The following DENND5B variants were observed in gnomAD, a reference collection of about 807,000 sequenced individuals.
The protein encoded by DENND5B is DENN domain containing 5B, also known as DENN domain-containing protein 5B.
In DENND5B, 34 loss-of-function variants were observed where a neutral mutation model predicts 140.6. That is an observed-to-expected ratio of 0.24 (90% CI 0.18 to 0.32). The LOEUF (loss-of-function observed/expected upper bound fraction) is 0.32, where lower values mean the gene tolerates loss of function less well. Among genes scored for constraint, DENND5B ranks in the 10% least tolerant of loss-of-function variants. The pLI is 1.00. For synonymous variants in DENND5B, 551 were observed against 562.1 expected (o/e 0.98, Z 0.28); for missense variants, 1,142 against 1,560.2 (o/e 0.73, Z 4.52).
chr12:31,444,070 A>C (rs1944167324), intron 6 of DENND5B: 1 of 152,192 alleles, frequency 6.6e-6, no homozygotes, highest in African/African-American at 2.4e-5. Context: ...TGAATTGTCA[A>C]GAGAAAATAT....
chr12:31,540,280 T>C (rs1433054592), intron 1 of DENND5B, among the ~76,000 whole-genome samples: 1 of 152,176 alleles, frequency 6.6e-6, no homozygotes, highest in African/African-American at 2.4e-5. Flanking sequence ...ATTGTTAAAA[T>C]GCCCATTCTC....
intron 5 of DENND5B, among the ~76,000 whole-genome samples, chr12:31,448,148 C>G (rs986545916): frequency 3.0e-5 from 4 of 134,740 alleles, no homozygotes; most frequent in Non-Finnish European, 6.5e-5. Flanking sequence ...TTTTTTTTTT[C>G]TTTGAGATGG....
intron 15 of DENND5B, among the ~76,000 whole-genome samples, chr12:31,400,706 G>C (rs1941742462): frequency 1.3e-5 from 2 of 152,082 alleles, no homozygotes; most frequent in Non-Finnish European, 2.9e-5. Flanking sequence ...TATCATTTGT[G>C]TGACAATCCA....
intron 2 of DENND5B, among the ~76,000 whole-genome samples, chr12:31,481,799 A>T (rs1946082551): frequency 6.6e-6 from 1 of 152,146 alleles, no homozygotes; most frequent in Admixed American, 6.5e-5. Flanking sequence ...TAGGAGAGGG[A>T]CAGAATTAGA....
chr12:31,487,457 G>A (rs528378895), intron 2 of DENND5B, among the ~76,000 whole-genome samples: 7 of 152,246 alleles, frequency 4.6e-5, no homozygotes, highest in African/African-American at 1.7e-4. Flanking sequence ...CAGTACTTCG[G>A]GAGGCTGAGA....
At chr12:31,397,881 G>GCCGCTGCAGTGAGCTGAGACTGTT (rs1431121698) in intron 17 of DENND5B, among the ~76,000 whole-genome samples, 31 of 152,196 alleles carry the variant, frequency 2.0e-4, no homozygotes, top group African/African-American at 6.5e-4. Context: ...CTGAGACTGT[G>GCCGCTGCAGTGAGCTGAGACTGTT]CCACTGCATT....
At chr12:31,458,040 T>G (rs1944862847) in intron 4 of DENND5B, among the ~76,000 whole-genome samples, 1 of 152,214 alleles carries the variant, frequency 6.6e-6, no homozygotes, top group Admixed American at 6.5e-5. Context: ...CACAGCTAAT[T>G]CAGGTTATTT....
At chr12:31,474,314 C>T (rs1327808774) in intron 3 of DENND5B, among the ~76,000 whole-genome samples, 1 of 152,160 alleles carries the variant, frequency 6.6e-6, no homozygotes, top group Non-Finnish European at 1.5e-5. Context: ...TTAAATTCCC[C>T]TTTTATTCTT....
intron 2 of DENND5B, among the ~76,000 whole-genome samples, chr12:31,485,257 A>G (rs1860969002): frequency 6.6e-6 from 1 of 152,234 alleles, no homozygotes; most frequent in Admixed American, 6.5e-5. Flanking sequence ...CTATGCAGTC[A>G]TGCCTCATCC....
At chr12:31,482,170 G>A (rs986029390) in intron 2 of DENND5B, among the ~76,000 whole-genome samples, 8 of 152,146 alleles carry the variant, frequency 5.3e-5, no homozygotes, top group African/African-American at 1.9e-4. Flanking sequence ...TATTGGCTTT[G>A]AAGCTCATGT....
chr12:31,436,399 T>C (rs2682688), intron 7 of DENND5B, among the ~76,000 whole-genome samples: 148,134 of 152,100 alleles, frequency 0.97, 72,268 homozygotes, highest in Non-Finnish European at 1. Flanking sequence ...CCGTGCCCAA[T>C]CCTAAAAATC....
intron 7 of DENND5B, among the ~76,000 whole-genome samples, chr12:31,441,791 G>A (rs1944046370): frequency 1.3e-5 from 2 of 152,192 alleles, no homozygotes; most frequent in South Asian, 4.1e-4. Flanking sequence ...TGGGGCTCAA[G>A]TGATTCTCCC....
chr12:31,452,126 G>T lies in DENND5B; in HGVS notation c.1443C>A (p.Asp481Glu). 1 of 1,613,924 alleles carries T rather than the reference G, an allele frequency of 6.2e-7. No individual in the cohort carries two copies. Among genetic ancestry groups the T allele is most frequent in the South Asian group, 1.1e-5 (1 of 91,076 alleles). The change falls in exon 5 of 21, where the codon GAC (aspartate) becomes GAA (glutamate). Residue 481 changes from aspartate (D) to glutamate (E), a missense_variant. This residue lies in a region of DENND5B where 708 missense variants were observed against 905.5 expected (regional missense o/e 0.78). Transcript: ENST00000389082. Reference sequence around the variant, plus strand: ...CTTCACAATGCAGTTTTAAATCCTTGTCTTTTTCACCCAGAGAAGCAGAGA... The same window carrying T: ...CTTCACAATGCAGTTTTAAATCCTTTTCTTTTTCACCCAGAGAAGCAGAGA... The part of the protein sequence containing the change: ...MDLSASLGEK[D>E]KDLKLHCEEA...
intron 1 of DENND5B, among the ~76,000 whole-genome samples, chr12:31,543,313 G>C (rs1041570808): frequency 2.6e-5 from 4 of 152,190 alleles, no homozygotes; most frequent in African/African-American, 9.7e-5. Context: ...AAGATGATGT[G>C]TGTGGTATCA....
At chr12:31,564,060 A>G (rs1368205499) in intron 1 of DENND5B, among the ~76,000 whole-genome samples, 1 of 152,180 alleles carries the variant, frequency 6.6e-6, no homozygotes, top group Non-Finnish European at 1.5e-5. Context: ...AGAAGTTGCA[A>G]TGAGCCAGAA....
intron 1 of DENND5B, among the ~76,000 whole-genome samples, chr12:31,533,698 T>C (rs1251271383): frequency 6.6e-6 from 1 of 152,204 alleles, no homozygotes; most frequent in African/African-American, 2.4e-5. Flanking sequence ...TGTATGCATG[T>C]CTAAAAGGTC....
intron 1 of DENND5B, among the ~76,000 whole-genome samples, chr12:31,556,320 G>C (rs535024292): frequency 6.6e-6 from 1 of 152,068 alleles, no homozygotes; most frequent in Admixed American, 6.5e-5. Context: ...TTCTGTCTCA[G>C]CCTCCCAAGT....
Position 31,385,900 on chromosome 12 carries a change from T to C in DENND5B, c.*1703A>G, listed in dbSNP as rs1940833154. ...ACGGTGTTAGCCAGGAGGGTCTCAA[T>C]CTCCTGACCTTGTGATCCGCCTGCC... On this transcript the variant is annotated 3_prime_UTR_variant, in exon 21 of 21. Coordinates refer to ENST00000389082, the MANE Select transcript of DENND5B (RefSeq NM_144973.4). 6.6e-6 allele frequency: 1 copy of C among 152,252 alleles called. No homozygotes were observed. Among genetic ancestry groups the C allele is most frequent in the African/African-American group, 2.4e-5 (1 of 41,418 alleles). The allele number at this position is 152,252 out of a possible 1,614,324, so 9.4% of individuals were successfully genotyped here.
At chr12:31,419,521 G>A (rs1240680802) in intron 11 of DENND5B, among the ~76,000 whole-genome samples, 1 of 140,978 alleles carries the variant, frequency 7.1e-6, no homozygotes, top group Non-Finnish European at 1.5e-5. Context: ...TTTTATAAAT[G>A]TAGCACAGAC....
Sources: gnomAD v4.1 joint callset for allele counts (sites outside exome capture counted in the v4.1 genomes callset) on GRCh38, gnomAD v4.1.1 for gene constraint, gnomAD v4.1.1 regional missense constraint, MANE v1.5 for transcripts, NCBI Gene and HGNC (gene_info 2026-07-23, HGNC 2026-07-21) for gene names.